CDC25C: variants seen among roughly 807,000 people sequenced by gnomAD.
CDC25C encodes cell division cycle 25C.
Under a neutral mutation model 52.5 loss-of-function variants are expected in CDC25C, and 48 were observed. That is an observed-to-expected ratio of 0.91 (90% CI 0.72 to 1.16). The LOEUF is 1.16. Among genes scored for constraint, CDC25C ranks in the 50% most tolerant of loss-of-function variants. The pLI is 0.00. For synonymous variants in CDC25C, 187 were observed against 206.5 expected, an observed-to-expected ratio of 0.91 and a Z score of 0.81; for missense variants, 510 against 566.1, an observed-to-expected ratio of 0.90 and a Z score of 1.01.
chr5:138,324,999 G>A (rs1759740438), intron 6 of CDC25C, among the ~76,000 whole-genome samples: 1 of 152,164 alleles, frequency 6.6e-6, no homozygotes, highest in South Asian at 2.1e-4. Flanking sequence ...GAACCCGGGA[G>A]GCAGAGGTTG....
Position 138,285,462 on chromosome 5 carries a change from T to G in CDC25C, c.*230A>C. The G allele has an allele frequency of 1.9e-6, 1 of 537,544 alleles. No homozygotes were observed. The highest frequency in any genetic ancestry group is 3.3e-6 in the Non-Finnish European group (1 of 301,046). The allele number at this position is 537,544 out of a possible 1,614,324, so 33.3% of individuals were successfully genotyped here. ...AGAGTTCCCTGAACCAATACAAATCTCTATGCAACTCAAGGCTGCCTTATA... is the reference window on the plus strand; with the variant it reads ...AGAGTTCCCTGAACCAATACAAATCGCTATGCAACTCAAGGCTGCCTTATA... On this transcript the variant is annotated 3_prime_UTR_variant, in exon 14 of 14. Coordinates refer to ENST00000323760, the MANE Select transcript of CDC25C (RefSeq NM_001790.5).
In CDC25C at chr5:138,300,313, C is replaced by T. The variant is rs542661624; in HGVS notation, c.616-8197G>A. 3.9e-5 allele frequency among the ~76,000 whole-genome samples: 6 copies of T among 152,300 alleles called. No individual in the cohort carries two copies. In the East Asian group the frequency reaches 9.6e-4, roughly 24 times the overall value. ...ACAAAAACCATATGATTACTCATCT[C>T]TGCACGTTGTGAGGCTAAGACGGGT... On this transcript the variant is annotated intron_variant, in intron 7 of 13. Transcript: ENST00000323760.
At chr5:138,290,572 G>T in intron 9 of CDC25C, 67 bp downstream of exon 9, 2 of 903,784 alleles carry the variant, frequency 2.2e-6, no homozygotes, top group South Asian at 2.7e-5. Context: ...AGGCATTCTC[G>T]GCAAACAGAG....
At chr5:138,289,740 A>G (rs1206421323) in intron 9 of CDC25C, among the ~76,000 whole-genome samples, 177 bp from the exon 10 acceptor site, 1 of 152,194 alleles carries the variant, frequency 6.6e-6, no homozygotes, top group African/African-American at 2.4e-5. Context: ...CTGATCCTAA[A>G]GAACAAATCA....
chr5:138,307,682 T>C (rs924068089), intron 7 of CDC25C, among the ~76,000 whole-genome samples: 1 of 152,040 alleles, frequency 6.6e-6, no homozygotes, highest in African/African-American at 2.4e-5. Flanking sequence ...AAAATGCACT[T>C]TGGGAGGCCA....
intron 1 of CDC25C, chr5:138,337,712 G>A (rs1580845816): frequency 6.0e-6 from 2 of 333,824 alleles, no homozygotes; most frequent in East Asian, 1.8e-4. Context: ...GCTGCAAGAG[G>A]GGCTCCTGGG....
At chr5:138,293,338 T>C (rs1756903503) in intron 7 of CDC25C, among the ~76,000 whole-genome samples, 1 of 151,902 alleles carries the variant, frequency 6.6e-6, no homozygotes, top group South Asian at 2.1e-4. Flanking sequence ...GATGGAGAAA[T>C]AATTAGGCAG....
At chr5:138,334,173 A>G (rs1220162567), upstream of CDC25C, among the ~76,000 whole-genome samples, 1 of 151,974 alleles carries the variant, frequency 6.6e-6, no homozygotes, top group African/African-American at 2.4e-5. Flanking sequence ...ACCTCAAATG[A>G]TCCACCCACC....
upstream of CDC25C, among the ~76,000 whole-genome samples, chr5:138,334,058 C>T (rs1012586810): frequency 3.9e-5 from 6 of 151,960 alleles, no homozygotes; most frequent in East Asian, 1.9e-4. Context: ...CTCAGCCTCC[C>T]GAGTAGCTGG....
chr5:138,300,372 TG>T (rs1757539666), intron 7 of CDC25C, among the ~76,000 whole-genome samples: 2 of 152,168 alleles, frequency 1.3e-5, no homozygotes, highest in African/African-American at 4.8e-5. Flanking sequence ...AAGACCAGCC[TG>T]GGCAACATGG....
chr5:138,332,941 T>G (rs976800559), upstream of CDC25C, among the ~76,000 whole-genome samples: 2 of 152,140 alleles, frequency 1.3e-5, no homozygotes, highest in Admixed American at 6.5e-5. Context: ...TGTTGAGTGA[T>G]GGGGGCAGGA....
rs1757638216 is a variant in CDC25C, at chr5:138,301,701, A to AT, written c.616-9586_616-9585insA. On this transcript the variant is annotated intron_variant, in intron 7 of 13. Transcript: ENST00000323760. ...AACATAGAGGTACACAAAAAAAAAAAAAAATTTTTTTTTTTTTTTTCAGAT... is the reference window on the plus strand; with the variant it reads ...AACATAGAGGTACACAAAAAAAAAAATAAAATTTTTTTTTTTTTTTTCAGAT... 3.3e-5 allele frequency among the ~76,000 whole-genome samples: 4 copies of AT among 121,242 alleles called. No homozygotes were observed. In the Admixed American group the frequency reaches 4.0e-4, roughly 12 times the overall value. The allele number at this position is 121,242 out of a possible 152,430, so 79.5% of individuals were successfully genotyped here. A position where few individuals can be genotyped will look rare whatever the true frequency, so the allele number is the denominator to read the frequency against.
intron 7 of CDC25C, among the ~76,000 whole-genome samples, chr5:138,313,995 C>CTTTCTTTCTTTCTTTCT (rs1554117939): frequency 3.0e-4 from 34 of 112,680 alleles, no homozygotes; most frequent in East Asian, 1.4e-3. Context: ...TTCTTTCTTT[C>CTTTCTTTCTTTCTTTCT]TTTTTTTTTT....
intron 7 of CDC25C, among the ~76,000 whole-genome samples, chr5:138,295,755 C>G (rs1159429170): frequency 2.0e-5 from 3 of 152,112 alleles, no homozygotes; most frequent in Non-Finnish European, 4.4e-5. Flanking sequence ...TTCTGTCTAG[C>G]TAGTTAGAAG....
chr5:138,323,525 G>C (rs1486296935), intron 6 of CDC25C, among the ~76,000 whole-genome samples: 1 of 151,524 alleles, frequency 6.6e-6, no homozygotes, highest in Non-Finnish European at 1.5e-5. Context: ...CCCCAGCTAG[G>C]GAACTCAAAG....
chr5:138,289,546 G>T lies in CDC25C; in HGVS notation c.882C>A (p.Thr294=), dbSNP rs146428676. The T allele has an allele frequency of 2.6e-5, 42 of 1,613,334 alleles. No individual in the cohort carries two copies. In the African/African-American group the frequency reaches 5.2e-4, roughly 20 times the overall value. The change falls in exon 10 of 14, where the codon ACC becomes ACA. Residue 294 remains threonine (T), a synonymous_variant. Transcript: ENST00000323760. ...GDFSKVCALP[T]VSGKHQDLKY... is the part of the protein sequence containing the mutation. ...TCAGATCTTGGTGTTTCCCTGACAC[G>T]GTTGGCAGCGCACATACCTAGAAAT...
In CDC25C at chr5:138,298,926, C is replaced by T. The variant is rs1288339239; in HGVS notation, c.616-6810G>A. Among the ~76,000 whole-genome samples, 2 of 151,870 alleles carry T rather than the reference C, an allele frequency of 1.3e-5. 1 individual carries two copies. Among genetic ancestry groups the T allele is most frequent in the Non-Finnish European group, 2.9e-5 (2 of 67,974 alleles). On this transcript the variant is annotated intron_variant, in intron 7 of 13. Coordinates refer to ENST00000323760, the MANE Select transcript of CDC25C (RefSeq NM_001790.5). ...AAATTAAATAGGCCAGGTGTGGTGG[C>T]TCACACCTGTAATCCCAGCACTTTG...
chr5:138,313,995 C>CTTTCTTTTTT (rs1554117939), intron 7 of CDC25C, among the ~76,000 whole-genome samples: 15 of 112,674 alleles, frequency 1.3e-4, no homozygotes, highest in Admixed American at 3.0e-4. Flanking sequence ...TTCTTTCTTT[C>CTTTCTTTTTT]TTTTTTTTTT....
intron 2 of CDC25C, 66 bp from the exon 3 acceptor site, chr5:138,329,713 A>C: frequency 6.7e-6 from 5 of 744,800 alleles, no homozygotes; most frequent in Non-Finnish European, 1.1e-5. Flanking sequence ...GTCAAAGATC[A>C]TGTCATCCTC....
Sources: gnomAD v4.1 joint callset for allele counts (sites outside exome capture counted in the v4.1 genomes callset) on GRCh38, gnomAD v4.1.1 for gene constraint, MANE v1.5 for transcripts, NCBI Gene and HGNC (gene_info 2026-07-23, HGNC 2026-07-21) for gene names.